Variants in ME3 observed in about 807,000 individuals in gnomAD.
The protein encoded by ME3 is malic enzyme 3.
In ME3, 48 loss-of-function variants were observed where a neutral mutation model predicts 68.9. The observed-to-expected ratio is 0.70, with a 90% CI of 0.55 to 0.89. The LOEUF (loss-of-function observed/expected upper bound fraction) is 0.89, where lower values mean the gene tolerates loss of function less well. ME3 is among the 40% of genes least tolerant of loss of function. The pLI, the probability that ME3 is intolerant of heterozygous loss-of-function variation, is 0.00. For synonymous variants in ME3, 320 were observed against 318.8 expected (o/e 1.00, Z -0.04); for missense variants, 675 against 797.4 (o/e 0.85, Z 1.85).
Position 86,655,489 on chromosome 11 carries a change from C to A in ME3, c.183+16273G>T, listed in dbSNP as rs1180606309. Among the ~76,000 whole-genome samples, 166 of 152,172 alleles carry A rather than the reference C, an allele frequency of 1.1e-3. 1 individual carries two copies. Among genetic ancestry groups the A allele is most frequent in the Non-Finnish European group, 3.4e-4 (23 of 67,958 alleles). On this transcript the variant is annotated intron_variant, in intron 2 of 14. Coordinates refer to ENST00000543262, the Ensembl canonical transcript of ME3. ...CTTTGACAAACCTGAGAAAAACAAG[C>A]AATGGGGAAAGGATTCCCTATTTAA...
intron 4 of ME3, among the ~76,000 whole-genome samples, chr11:86,532,004 A>G (rs938674346): frequency 5.9e-5 from 9 of 151,826 alleles, no homozygotes; most frequent in African/African-American, 2.2e-4. Context: ...AAAAAAAACC[A>G]GAAACTGAAA....
intron 2 of ME3, among the ~76,000 whole-genome samples, chr11:86,647,498 A>G (rs1945101434): frequency 6.6e-6 from 1 of 152,006 alleles, no homozygotes; most frequent in Non-Finnish European, 1.5e-5. Flanking sequence ...AAAGAAAAAA[A>G]AAAAAAGACC....
chr11:86,455,727 C>T (rs1207671340), intron 8 of ME3, among the ~76,000 whole-genome samples: 1 of 152,120 alleles, frequency 6.6e-6, no homozygotes, highest in Non-Finnish European at 1.5e-5. Flanking sequence ...TCCTTGCTAC[C>T]CCAGGCATCC....
At chr11:86,470,030 G>T (rs1428031391) in intron 7 of ME3, among the ~76,000 whole-genome samples, 1 of 152,092 alleles carries the variant, frequency 6.6e-6, no homozygotes, top group Non-Finnish European at 1.5e-5. Flanking sequence ...AGGGTCTGAG[G>T]TGGCTGTTCT....
chr11:86,558,655 T>C (rs1478102086), intron 3 of ME3, among the ~76,000 whole-genome samples: 1 of 152,186 alleles, frequency 6.6e-6, no homozygotes, highest in African/African-American at 2.4e-5. Context: ...CCAAGTTCTA[T>C]AGTTTGTTTG....
intron 2 of ME3, among the ~76,000 whole-genome samples, chr11:86,570,259 C>T (rs1227990326): frequency 6.6e-6 from 1 of 152,196 alleles, no homozygotes; most frequent in African/African-American, 2.4e-5. Context: ...ACCGTGGCAG[C>T]ATAGAGGGTA....
At chr11:86,508,211 A>G (rs1238913624) in intron 5 of ME3, among the ~76,000 whole-genome samples, 1 of 151,984 alleles carries the variant, frequency 6.6e-6, no homozygotes, top group Non-Finnish European at 1.5e-5. Context: ...TACTCTTGGT[A>G]CAGAATGTCC....
chr11:86,525,862 CAAAAA>C lies in ME3; in HGVS notation c.468-17000_468-16996del, dbSNP rs774590648. Among the ~76,000 whole-genome samples the C allele has an allele frequency of 2.9e-5, 3 of 102,634 alleles. No individual in the cohort carries two copies. The East Asian group carries it at 9.0e-4, about 31-fold the overall frequency. The allele number at this position is 102,634 out of a possible 152,430, so 67.3% of individuals were successfully genotyped here. On this transcript the variant is annotated intron_variant, in intron 4 of 14. Coordinates refer to ENST00000543262, the Ensembl canonical transcript of ME3. ...GGGCAACAAGGGCAAAACTCTGTCT[CAAAAA>C]AAAAAAAAAAAAGGAGAGGGTGGAG...
chr11:86,484,977 T>C (rs1951605392), intron 7 of ME3, among the ~76,000 whole-genome samples: 1 of 152,210 alleles, frequency 6.6e-6, no homozygotes, highest in Admixed American at 6.5e-5. Flanking sequence ...GAAGGCAGCT[T>C]AAAGAACATC....
chr11:86,621,052 C>T (rs747994087), intron 2 of ME3, among the ~76,000 whole-genome samples: 19 of 152,128 alleles, frequency 1.2e-4, no homozygotes, highest in Non-Finnish European at 2.1e-4. Flanking sequence ...CAAATGATGT[C>T]GAGGGAACTC....
chr11:86,672,053 C>T (rs2135540430), intron 1 of ME3, 95 bp from the exon 2 acceptor site: 1 of 1,056,264 alleles, frequency 9.5e-7, no homozygotes, highest in East Asian at 3.3e-5. Context: ...GGGACGCGCC[C>T]TCTGGGAGAG....
intron 4 of ME3, among the ~76,000 whole-genome samples, chr11:86,550,074 G>T (rs549319062): frequency 3.3e-5 from 5 of 152,260 alleles, no homozygotes; most frequent in Non-Finnish European, 7.4e-5. Flanking sequence ...GTCCTCTGAA[G>T]AGCTTCTGAA....
intron 2 of ME3, among the ~76,000 whole-genome samples, chr11:86,573,132 T>A (rs1957902774): frequency 6.6e-6 from 1 of 152,216 alleles, no homozygotes; most frequent in South Asian, 2.1e-4. Context: ...GGTTGGTAGT[T>A]TTTCTCTTGT....
At chr11:86,468,820 G>A (rs1950626554) in intron 7 of ME3, among the ~76,000 whole-genome samples, 1 of 152,136 alleles carries the variant, frequency 6.6e-6, no homozygotes, top group Admixed American at 6.5e-5. Flanking sequence ...TTTATCTAGT[G>A]TTTATTACCT....
chr11:86,604,070 A>G (rs1408913628), intron 2 of ME3, among the ~76,000 whole-genome samples: 1 of 151,822 alleles, frequency 6.6e-6, no homozygotes, highest in African/African-American at 2.4e-5. Flanking sequence ...CATTGTGCAC[A>G]TGTACCCTAA....
intron 8 of ME3, among the ~76,000 whole-genome samples, chr11:86,455,519 G>A (rs1949864687): frequency 6.6e-6 from 1 of 152,138 alleles, no homozygotes; most frequent in Non-Finnish European, 1.5e-5. Context: ...TTTATGTACA[G>A]AAAAGTATGT....
intron 2 of ME3, among the ~76,000 whole-genome samples, chr11:86,609,808 G>A (rs995108968): frequency 1.3e-5 from 2 of 152,190 alleles, no homozygotes; most frequent in African/African-American, 4.8e-5. Context: ...TTACTGATGT[G>A]ATGGAATGCT....
Position 86,487,346 on chromosome 11 carries a change from A to ATC in ME3, c.799_800insGA (p.Val267GlyfsTer2). The ATC allele has an allele frequency of 6.2e-7, 1 of 1,614,064 alleles. No homozygotes were observed. The highest frequency in any genetic ancestry group is 8.5e-7 in the Non-Finnish European group (1 of 1,179,908). The stretch of plus-strand genomic sequence containing the variant: ...AGACTGGTCCACTTACTTGTCTGTC[A>ATC]CAGCCTGCATGAACTCATCCAGCAA... On this transcript the variant is annotated frameshift_variant, in exon 7 of 15. Coordinates refer to ENST00000543262, the Ensembl canonical transcript of ME3. LOFTEE classifies it high-confidence loss of function.
chr11:86,559,655 GGACCAGACA>G (rs1957104162), intron 3 of ME3, 26 bp downstream of exon 3: 1 of 1,590,810 alleles, frequency 6.3e-7, no homozygotes, highest in Admixed American at 1.7e-5. Flanking sequence ...CTCAGCCCAA[GGACCAGACA>G]GAGAGAACAG....
Sources: gnomAD v4.1 joint callset for allele counts (sites outside exome capture counted in the v4.1 genomes callset) on GRCh38, gnomAD v4.1.1 for gene constraint, MANE v1.5 for transcripts, NCBI Gene and HGNC (gene_info 2026-07-23, HGNC 2026-07-21) for gene names.